Variants in KCNIP4 observed in about 807,000 individuals in gnomAD.
KCNIP4 encodes potassium voltage-gated channel interacting protein 4, also known as Kv channel-interacting protein 4.
In KCNIP4, 12 loss-of-function variants were observed where a neutral mutation model predicts 34.0. That is an observed-to-expected ratio of 0.35 (90% CI 0.23 to 0.57). The LOEUF (loss-of-function observed/expected upper bound fraction) is 0.57, where lower values mean the gene tolerates loss of function less well. Ranked by LOEUF, KCNIP4 falls within the 20% of genes least tolerant of loss-of-function variation. KCNIP4 has a pLI of 0.83. For synonymous variants in KCNIP4, 124 were observed against 102.2 expected (o/e 1.21, Z -1.29); for missense variants, 238 against 311.7 (o/e 0.76, Z 1.78).
At chr4:20,919,701 T>C (rs1577367319) in intron 1 of KCNIP4, among the ~76,000 whole-genome samples, 2 of 71,202 alleles carry the variant, frequency 2.8e-5, no homozygotes, top group Admixed American at 1.9e-4. Context: ...AGACTCCGTC[T>C]CAAAAAAAAA....
At chr4:21,509,810 CCT>C (rs1734153456) in intron 1 of KCNIP4, among the ~76,000 whole-genome samples, 2 of 152,014 alleles carry the variant, frequency 1.3e-5, no homozygotes, top group African/African-American at 2.4e-5. Context: ...GTAAATATCC[CCT>C]GTCTTTAAGA....
intron 1 of KCNIP4, among the ~76,000 whole-genome samples, chr4:21,750,594 G>C (rs77229014): frequency 6.6e-6 from 1 of 152,108 alleles, no homozygotes; most frequent in Non-Finnish European, 1.5e-5. Context: ...TTGAAAACAA[G>C]TGCTACCATT....
At chr4:21,737,702 T>C (rs1383303807) in intron 1 of KCNIP4, among the ~76,000 whole-genome samples, 1 of 152,054 alleles carries the variant, frequency 6.6e-6, no homozygotes, top group African/African-American at 2.4e-5. Context: ...TGAAATTAAA[T>C]AATACAAGTG....
intron 1 of KCNIP4, among the ~76,000 whole-genome samples, chr4:21,683,331 T>G (rs1750537420): frequency 6.6e-6 from 1 of 151,720 alleles, no homozygotes; most frequent in Non-Finnish European, 1.5e-5. Flanking sequence ...TTGCCTTTAC[T>G]AACAAAAATC....
intron 1 of KCNIP4, chr4:21,847,812 T>C (rs893137571): frequency 6.6e-6 from 1 of 152,134 alleles, no homozygotes; most frequent in Non-Finnish European, 1.5e-5. Flanking sequence ...GCAATTTTTA[T>C]GCTCATCTCT....
chr4:21,537,375 C>T (rs561565740), intron 1 of KCNIP4, among the ~76,000 whole-genome samples: 2 of 152,242 alleles, frequency 1.3e-5, no homozygotes, highest in South Asian at 4.1e-4. Context: ...TCACTGCATG[C>T]CATTTAATAC....
intron 1 of KCNIP4, among the ~76,000 whole-genome samples, chr4:21,069,304 A>C (rs1272105710): frequency 6.6e-6 from 1 of 152,146 alleles, no homozygotes; most frequent in African/African-American, 2.4e-5. Flanking sequence ...TTTAGAAGCC[A>C]ACTACAGGAT....
intron 1 of KCNIP4, among the ~76,000 whole-genome samples, chr4:21,208,663 A>C (rs550931645): frequency 1.3e-5 from 2 of 152,154 alleles, no homozygotes; most frequent in East Asian, 1.9e-4. Flanking sequence ...TTCTGCAATT[A>C]CCGTGCCTAT....
intron 2 of KCNIP4, 47 bp downstream of exon 2, chr4:20,882,561 G>T: frequency 7.2e-7 from 1 of 1,385,684 alleles, no homozygotes; most frequent in Non-Finnish European, 1.0e-6. Flanking sequence ...CTAAAGAAAC[G>T]AAACAAGAGT....
intron 1 of KCNIP4, among the ~76,000 whole-genome samples, chr4:21,200,282 A>ATG (rs201279286): frequency 0.068 from 9,640 of 141,138 alleles, 558 homozygotes; most frequent in East Asian, 0.11. Flanking sequence ...AGAAAATGTG[A>ATG]TGTGTGTGTG....
chr4:21,009,958 G>A (rs1452038528), intron 1 of KCNIP4, among the ~76,000 whole-genome samples: 4 of 152,176 alleles, frequency 2.6e-5, no homozygotes, highest in African/African-American at 9.6e-5. Context: ...TTAAACAACA[G>A]GTATTTCTCA....
chr4:21,032,756 T>C (rs1741128983), intron 1 of KCNIP4, among the ~76,000 whole-genome samples: 2 of 124,020 alleles, frequency 1.6e-5, no homozygotes, highest in African/African-American at 6.2e-5. Context: ...TTGACAACTA[T>C]CTTAGAGTTG....
At chr4:21,063,584 G>C (rs998641054) in intron 1 of KCNIP4, among the ~76,000 whole-genome samples, 6 of 151,952 alleles carry the variant, frequency 3.9e-5, no homozygotes, top group African/African-American at 7.3e-5. Flanking sequence ...GTGATTCTTG[G>C]GGATATGTCA....
chr4:21,323,218 T>A (rs1714687065), intron 1 of KCNIP4, among the ~76,000 whole-genome samples: 1 of 149,998 alleles, frequency 6.7e-6, no homozygotes. Context: ...TGTGTAATAA[T>A]CAAATGAGAT....
At chr4:21,273,596 C>T (rs935680177) in intron 1 of KCNIP4, among the ~76,000 whole-genome samples, 2 of 152,168 alleles carry the variant, frequency 1.3e-5, no homozygotes, top group Non-Finnish European at 2.9e-5. Context: ...TACCTTTATT[C>T]ATAACATTTC....
intron 1 of KCNIP4, among the ~76,000 whole-genome samples, chr4:21,011,865 C>T (rs900610622): frequency 6.6e-6 from 1 of 152,202 alleles, no homozygotes; most frequent in Non-Finnish European, 1.5e-5. Flanking sequence ...GCTTTCGTTT[C>T]TTCTTTTCAG....
intron 1 of KCNIP4, among the ~76,000 whole-genome samples, chr4:21,645,290 A>G (rs2109244524): frequency 1.3e-5 from 2 of 152,254 alleles, no homozygotes; most frequent in East Asian, 3.9e-4. Context: ...CATATCATAC[A>G]TTTAGTAAGC....
At chr4:21,449,410 C>A (rs927787792) in intron 1 of KCNIP4, among the ~76,000 whole-genome samples, 4 of 151,986 alleles carry the variant, frequency 2.6e-5, no homozygotes, top group Admixed American at 6.6e-5. Context: ...TAGAGTCTCA[C>A]CCATACCTAA....
At chr4:21,299,499 T>A (rs1053832063) in intron 1 of KCNIP4, among the ~76,000 whole-genome samples, 1 of 152,128 alleles carries the variant, frequency 6.6e-6, no homozygotes, top group African/African-American at 2.4e-5. Context: ...GTAAAAAGAT[T>A]GTATGTTTAA....
Sources: allele counts gnomAD v4.1 joint callset (sites outside exome capture counted in the v4.1 genomes callset), GRCh38; gene constraint gnomAD v4.1.1; transcripts MANE v1.5; gene names NCBI Gene and HGNC (gene_info 2026-07-23, HGNC 2026-07-21).